Variants in PCDH15 observed in about 807,000 individuals in gnomAD.
PCDH15 encodes the protein protocadherin-15.
In PCDH15, 129 loss-of-function variants were observed where a neutral mutation model predicts 178.5. The ratio of observed to expected loss-of-function variants is 0.72; its 90% CI spans 0.63 to 0.84. The LOEUF (loss-of-function observed/expected upper bound fraction) is 0.84. PCDH15 is among the 40% of genes least tolerant of loss of function. The pLI is 0.00. For synonymous variants in PCDH15, 800 were observed against 732.0 expected, an observed-to-expected ratio of 1.09 and a Z score of -1.50; for missense variants, 2,230 against 2,099.9, an observed-to-expected ratio of 1.06 and a Z score of -1.21.
intron 2 of PCDH15, among the ~76,000 whole-genome samples, chr10:54,968,627 T>TC (rs1250481818): frequency 6.6e-6 from 1 of 152,132 alleles, no homozygotes; most frequent in East Asian, 1.9e-4. Flanking sequence ...TTCATGTTTT[T>TC]CTCATGCTTG....
chr10:54,512,941 A>C (rs750653599), intron 3 of PCDH15, among the ~76,000 whole-genome samples: 37 of 152,124 alleles, frequency 2.4e-4, no homozygotes, highest in Non-Finnish European at 5.0e-4. Flanking sequence ...AGAATTAGAC[A>C]GTATTTTTAC....
intron 2 of PCDH15, among the ~76,000 whole-genome samples, chr10:55,509,003 C>A (rs953947711): frequency 6.6e-6 from 1 of 151,502 alleles, no homozygotes; most frequent in Non-Finnish European, 1.5e-5. Context: ...AACACAAAAG[C>A]TGAAAATACA....
chr10:54,727,330 A>C (rs938814281), intron 1 of PCDH15, among the ~76,000 whole-genome samples: 1 of 151,682 alleles, frequency 6.6e-6, no homozygotes, highest in Non-Finnish European at 1.5e-5. Context: ...TAGAAATGAA[A>C]CAATCTGTTC....
chr10:55,439,124 C>T (rs1275332487), intron 2 of PCDH15, among the ~76,000 whole-genome samples: 9 of 152,098 alleles, frequency 5.9e-5, no homozygotes, highest in Non-Finnish European at 7.4e-5. Flanking sequence ...AAGATGGTCT[C>T]GATCTCCTGA....
chr10:54,899,472 C>T (rs1267828791), intron 2 of PCDH15, among the ~76,000 whole-genome samples: 1 of 149,332 alleles, frequency 6.7e-6, no homozygotes, highest in Admixed American at 6.7e-5. Flanking sequence ...CCTCCCCTCC[C>T]CTCCCCTCCC....
At chr10:54,032,579 T>C (rs542598940) in intron 18 of PCDH15, among the ~76,000 whole-genome samples, 20 of 152,160 alleles carry the variant, frequency 1.3e-4, no homozygotes, top group African/African-American at 4.8e-4. Context: ...TATAATTTTG[T>C]CTTAAAAGAA....
intron 2 of PCDH15, among the ~76,000 whole-genome samples, chr10:54,901,415 A>C (rs2131825692): frequency 6.6e-6 from 1 of 152,314 alleles, no homozygotes; most frequent in South Asian, 2.1e-4. Context: ...AAATATATGT[A>C]ATATTGCTTT....
At chr10:54,101,061 G>C (rs890572613) in intron 15 of PCDH15, among the ~76,000 whole-genome samples, 4 of 152,090 alleles carry the variant, frequency 2.6e-5, no homozygotes, top group Non-Finnish European at 5.9e-5. Context: ...TTGTGGGAGA[G>C]ACCTGGTAGG....
At chr10:55,232,704 G>A (rs1841260623) in intron 1 of PCDH15, among the ~76,000 whole-genome samples, 2 of 152,078 alleles carry the variant, frequency 1.3e-5, no homozygotes, top group South Asian at 4.1e-4. Context: ...CATGTCAGTA[G>A]ATGTCTAATG....
At chr10:54,917,801 G>A (rs1837378751) in intron 2 of PCDH15, among the ~76,000 whole-genome samples, 1 of 152,054 alleles carries the variant, frequency 6.6e-6, no homozygotes. Context: ...CTGAATCTGT[G>A]TTTCCTTGAC....
At chr10:55,297,907 A>G (rs1226769396) in intron 1 of PCDH15, among the ~76,000 whole-genome samples, 1 of 152,064 alleles carries the variant, frequency 6.6e-6, no homozygotes, top group Non-Finnish European at 1.5e-5. Flanking sequence ...TCCAAGCAGG[A>G]GACTGGAGGA....
At chr10:54,631,834 A>G (rs1267013145) in intron 2 of PCDH15, among the ~76,000 whole-genome samples, 2 of 152,116 alleles carry the variant, frequency 1.3e-5, no homozygotes, top group African/African-American at 4.8e-5. Flanking sequence ...CTCAGGAGGA[A>G]CCACCATACA....
chr10:53,810,734 G>C (rs189909504), intron 36 of PCDH15, 70 bp from the exon 37 acceptor site: 1 of 1,365,748 alleles, frequency 7.3e-7, no homozygotes, highest in Non-Finnish European at 1.0e-6. Context: ...TGAGTGATCT[G>C]TTTCCTTCTT....
intron 3 of PCDH15, among the ~76,000 whole-genome samples, chr10:54,488,588 A>G (rs918037973): frequency 1.3e-5 from 2 of 151,950 alleles, no homozygotes; most frequent in Non-Finnish European, 2.9e-5. Flanking sequence ...TAATATGGGT[A>G]ATTTAAAATA....
chr10:53,919,066 GCC>G (rs2083777487), intron 25 of PCDH15, among the ~76,000 whole-genome samples: 2 of 152,178 alleles, frequency 1.3e-5, no homozygotes, highest in East Asian at 3.9e-4. Flanking sequence ...TGACTGTCCT[GCC>G]TTCTTTCACT....
At chr10:55,097,967 A>C (rs1000633913) in intron 2 of PCDH15, among the ~76,000 whole-genome samples, 1 of 152,140 alleles carries the variant, frequency 6.6e-6, no homozygotes. Context: ...AGCAGACAAG[A>C]TAATGAAAGA....
intron 1 of PCDH15, among the ~76,000 whole-genome samples, chr10:55,236,953 A>G (rs1435422766): frequency 6.6e-6 from 1 of 151,426 alleles, no homozygotes; most frequent in Non-Finnish European, 1.5e-5. Context: ...TTTCTATTCA[A>G]AAGTCACGTG....
At chr10:54,149,491 T>C (rs2044303092) in intron 14 of PCDH15, among the ~76,000 whole-genome samples, 1 of 152,138 alleles carries the variant, frequency 6.6e-6, no homozygotes, top group South Asian at 2.1e-4. Flanking sequence ...TAGGTAGCTA[T>C]GATCCTCAGA....
At chr10:55,169,118 T>C (rs191883704) in intron 1 of PCDH15, among the ~76,000 whole-genome samples, 378 of 152,252 alleles carry the variant, frequency 2.5e-3, no homozygotes, top group African/African-American at 8.3e-3. Context: ...AATAAACATT[T>C]TTAACCGCTC....
Sources: allele counts gnomAD v4.1 joint callset (sites outside exome capture counted in the v4.1 genomes callset), GRCh38; gene constraint gnomAD v4.1.1; transcripts MANE v1.5; gene names NCBI Gene and HGNC (gene_info 2026-07-23, HGNC 2026-07-21).